The following KIF24 variants were observed in gnomAD, a reference collection of about 807,000 sequenced individuals.
KIF24 encodes the protein kinesin-like protein KIF24.
In KIF24, 81 loss-of-function variants were observed where a neutral mutation model predicts 118.9. The observed-to-expected ratio is 0.68, with a 90% CI of 0.57 to 0.82. The LOEUF (loss-of-function observed/expected upper bound fraction) is 0.82, where lower values mean the gene tolerates loss of function less well. Ranked by LOEUF, KIF24 falls within the 40% of genes least tolerant of loss-of-function variation. KIF24 has a pLI of 0.00. For synonymous variants in KIF24, 599 were observed against 610.0 expected, an observed-to-expected ratio of 0.98 and a Z score of 0.27; for missense variants, 1,560 against 1,661.6, an observed-to-expected ratio of 0.94 and a Z score of 1.06.
chr9:34,290,656 GT>G (rs1239764021), intron 4 of KIF24, among the ~76,000 whole-genome samples: 1 of 150,676 alleles, frequency 6.6e-6, no homozygotes, highest in Non-Finnish European at 1.5e-5. Context: ...CTGGAGTGCA[GT>G]GGTGTGATCT....
chr9:34,292,528 T>C (rs1326607461), intron 4 of KIF24, among the ~76,000 whole-genome samples: 1 of 152,204 alleles, frequency 6.6e-6, no homozygotes, highest in Non-Finnish European at 1.5e-5. Context: ...TGGGTCATCT[T>C]CTTTGATTTA....
At chr9:34,323,417 T>G (rs910813518) in intron 1 of KIF24, among the ~76,000 whole-genome samples, 7 of 152,222 alleles carry the variant, frequency 4.6e-5, no homozygotes, top group Non-Finnish European at 8.8e-5. Context: ...TTTTAGAACC[T>G]AGTTATCTTA....
rs1834893573 is a variant in KIF24, at chr9:34,257,373, G to A, written c.2234C>T (p.Pro745Leu). Residue 745 changes from proline to leucine, a missense_variant, in exon 11 of 13, where the codon CCT (proline) becomes CTT (leucine). Transcript: ENST00000402558. ...GATGTTTGTCCAAGCTTCAGAGGCA[G>A]GCCTAGCAGGCGTGCCCCTCTGGCT... ...QDSQRGTPAR[P>L]ASEAWTNIPP... The A allele has an allele frequency of 6.2e-7, 1 of 1,614,024 alleles. No individual in the cohort carries two copies. The highest frequency in any genetic ancestry group is 1.1e-5 in the South Asian group (1 of 91,084).
In KIF24 at chr9:34,286,746, A is replaced by T. The variant is rs764749451; in HGVS notation, c.1128-42T>A. The T allele has an allele frequency of 8.7e-6, 12 of 1,371,552 alleles. No homozygotes were observed. In the African/African-American group the frequency reaches 1.4e-4, roughly 16 times the overall value. 85.0% of individuals were successfully genotyped at this position (1,371,552 alleles called of 1,614,324 possible). A position where few individuals can be genotyped will look rare whatever the true frequency, so the allele number is the denominator to read the frequency against. On this transcript the variant is annotated intron_variant, in intron 5 of 12. Transcript: ENST00000402558. ...GTGGTTGGTATGATGGTGCTACTAAAACAGACTTTGTTCTTGCCTCCCCAG... is the reference window on the plus strand; with the variant it reads ...GTGGTTGGTATGATGGTGCTACTAATACAGACTTTGTTCTTGCCTCCCCAG...
chr9:34,272,957 C>A (rs1227411156), intron 6 of KIF24, among the ~76,000 whole-genome samples: 2 of 152,018 alleles, frequency 1.3e-5, no homozygotes, highest in Non-Finnish European at 2.9e-5. Context: ...TTGGGCCGGG[C>A]ATGGTGGCTC....
At chr9:34,313,054 G>A (rs1837220835) in intron 1 of KIF24, among the ~76,000 whole-genome samples, 1 of 152,160 alleles carries the variant, frequency 6.6e-6, no homozygotes, top group East Asian at 1.9e-4. Context: ...ATTTTTTGCA[G>A]GTCCTTCCAT....
At position 34,258,095 on chromosome 9, in the gene KIF24, A is replaced by G. The variant is rs563048817; in HGVS notation, c.1626-114T>C. ...AAAAGTATTACAAGGATTGGGAGTTATTTCTTTATCTGGGATAGAATAAGA... is the reference window on the plus strand; with the variant it reads ...AAAAGTATTACAAGGATTGGGAGTTGTTTCTTTATCTGGGATAGAATAAGA... On this transcript the variant is annotated intron_variant, in intron 10 of 12. Transcript: ENST00000402558. 2.4e-4 allele frequency: 191 copies of G among 795,494 alleles called. No homozygotes were observed. The African/African-American group carries it at 2.8e-3, about 12-fold the overall frequency. 49.3% of individuals were successfully genotyped at this position (795,494 alleles called of 1,614,324 possible).
In KIF24 at chr9:34,290,174, C is replaced by A; in HGVS notation, c.1127G>T (p.Arg376Met). The A allele has an allele frequency of 1.9e-6, 3 of 1,607,164 alleles. No individual in the cohort carries two copies. Among genetic ancestry groups the A allele is most frequent in the Non-Finnish European group, 2.6e-6 (3 of 1,174,226 alleles). ...QLYDLLNRRK[R>M]LFAREDSKHM... is the part of the protein sequence containing the mutation. ...ATCGCTTCCCACTCATATTCAGTACCTTTTTCTTCTATTTAGGAGGTCATA... is the reference window on the plus strand; with the variant it reads ...ATCGCTTCCCACTCATATTCAGTACATTTTTCTTCTATTTAGGAGGTCATA... The change falls in exon 5 of 13, where the codon AGG becomes ATG. Residue 376 changes from arginine to methionine, a missense_variant and splice_region_variant. By Grantham distance (91) the Arg-to-Met change is moderately conservative. Coordinates refer to ENST00000402558, the MANE Select transcript of KIF24 (RefSeq NM_194313.4).
chr9:34,289,071 G>A (rs1383894881), intron 5 of KIF24, among the ~76,000 whole-genome samples: 1 of 152,130 alleles, frequency 6.6e-6, no homozygotes, highest in Non-Finnish European at 1.5e-5. Flanking sequence ...CATCCCCAGA[G>A]TAGCACCCTC....
chr9:34,255,137 G>C lies in KIF24; in HGVS notation c.3901C>G (p.Gln1301Glu), dbSNP rs1834773016. 1 of 1,591,118 alleles carries C rather than the reference G, an allele frequency of 6.3e-7. No individual in the cohort carries two copies. Among genetic ancestry groups the C allele is most frequent in the Non-Finnish European group, 8.6e-7 (1 of 1,168,308 alleles). Residue 1301 changes from glutamine (Q) to glutamate (E), a missense_variant, in exon 12 of 13, where the codon CAG (glutamine) becomes GAG (glutamate). Gln to Glu is a conservative substitution (Grantham distance 29). Coordinates refer to ENST00000402558, the MANE Select transcript of KIF24 (RefSeq NM_194313.4). ...CCGAGCTCAGCCATTTCATCCAGCT[G>C]TTCCTGGTGTGCTCGGATGACCACC... The part of the protein sequence containing the change: ...QQVVIRAHQE[Q>E]LDEMAELGFK...
In KIF24 at chr9:34,256,674, G is replaced by A; in HGVS notation, c.2933C>T (p.Pro978Leu). 1 of 1,613,948 alleles carries A rather than the reference G, an allele frequency of 6.2e-7. No individual in the cohort carries two copies. Among genetic ancestry groups the A allele is most frequent in the Non-Finnish European group, 8.5e-7 (1 of 1,179,868 alleles). ...EVSGENEGNL[P>L]SPEEDGFTIS... is the part of the protein sequence containing the mutation. ...AGTGAAACCATCTTCCTCTGGGGAT[G>A]GCAAGTTGCCCTCATTCTCCCCAGA... Residue 978 changes from proline (P) to leucine (L), a missense_variant, in exon 11 of 13, where the codon CCA becomes CTA. Pro to Leu is a moderately conservative substitution (Grantham distance 98, BLOSUM62 -3). Around this residue, in one of 3 missense-constraint regions of KIF24, gnomAD observed 591 missense variants for 655.6 expected, o/e 0.90. Transcript: ENST00000402558.
intron 10 of KIF24, among the ~76,000 whole-genome samples, chr9:34,258,844 G>T (rs1834951840): frequency 6.6e-6 from 1 of 152,104 alleles, no homozygotes; most frequent in Non-Finnish European, 1.5e-5. Context: ...CTATTCCCAG[G>T]GTTTCTCAAC....
intron 2 of KIF24, 115 bp downstream of exon 2, chr9:34,310,609 G>T: frequency 3.0e-6 from 2 of 673,710 alleles, no homozygotes; most frequent in Admixed American, 3.4e-5. Flanking sequence ...GATAATTTCT[G>T]TTATATTCAT....
chr9:34,290,436 T>C (rs1338138259), intron 4 of KIF24, 47 bp from the exon 5 acceptor site: 1 of 1,208,354 alleles, frequency 8.3e-7, no homozygotes, highest in African/African-American at 1.5e-5. Context: ...AAGAGAAGTA[T>C]TAGTTTACCC....
chr9:34,252,733 A>G lies in KIF24; in HGVS notation c.*1647T>C, dbSNP rs1416026730. On this transcript the variant is annotated 3_prime_UTR_variant, in exon 13 of 13. Coordinates refer to ENST00000402558, the MANE Select transcript of KIF24 (RefSeq NM_194313.4). The stretch of plus-strand genomic sequence containing the variant: ...AGACTGAGTCTTTTAAACCTGGCCC[A>G]GCTCCGTCTGTGGACCAAGGACGTA... 1 of 152,156 alleles carries G rather than the reference A, an allele frequency of 6.6e-6. No individual in the cohort carries two copies. Among genetic ancestry groups the G allele is most frequent in the Non-Finnish European group, 1.5e-5 (1 of 68,040 alleles). The allele number at this position is 152,156 out of a possible 1,614,324, so 9.4% of individuals were successfully genotyped here.
chr9:34,318,950 G>C lies in KIF24; in HGVS notation c.-25-7579C>G. ...CGAGTGGGCCGTGCAGACCACCGACGGCAAGCTGCCCAAGGTCACCAAGGA... is the reference window on the plus strand; with the variant it reads ...CGAGTGGGCCGTGCAGACCACCGACCGCAAGCTGCCCAAGGTCACCAAGGA... On this transcript the variant is annotated intron_variant, in intron 1 of 12. Coordinates refer to ENST00000402558, the MANE Select transcript of KIF24 (RefSeq NM_194313.4). The surrounding 1 kb of genome is among the most constrained non-coding windows in gnomAD (Gnocchi z 4.9). 6 of 1,501,648 alleles carry C rather than the reference G, an allele frequency of 4.0e-6. No homozygotes were observed. Among genetic ancestry groups the C allele is most frequent in the Non-Finnish European group, 5.5e-6 (6 of 1,084,080 alleles). 93.0% of individuals were successfully genotyped at this position (1,501,648 alleles called of 1,614,324 possible).
chr9:34,256,587 G>C lies in KIF24; in HGVS notation c.3020C>G (p.Pro1007Arg). The change falls in exon 11 of 13, where the codon CCT becomes CGT. Residue 1007 changes from proline to arginine, a missense_variant. Physicochemically the swap from Pro to Arg is moderately radical, Grantham distance 103. This residue lies in a region of KIF24 where 591 missense variants were observed against 655.6 expected (regional missense o/e 0.90). Transcript: ENST00000402558. ...GCCGTCTGCACTGACTTCTCTCAGAGGTGTGGTGACTGTGTCTCTTTGGTC... is the reference window on the plus strand; with the variant it reads ...GCCGTCTGCACTGACTTCTCTCAGACGTGTGGTGACTGTGTCTCTTTGGTC... The part of the protein sequence containing the change: ...SPDQRDTVTT[P>R]LREVSADGPI... 6.2e-7 allele frequency: 1 copy of C among 1,614,010 alleles called. No individual in the cohort carries two copies. The highest frequency in any genetic ancestry group is 1.1e-5 in the South Asian group (1 of 91,082).
chr9:34,305,362 TTTCGCCAA>T (rs1836871645), intron 3 of KIF24, among the ~76,000 whole-genome samples: 1 of 152,160 alleles, frequency 6.6e-6, no homozygotes, highest in African/African-American at 2.4e-5. Flanking sequence ...AGAGCCCAAT[TTTCGCCAA>T]TTAAGTATAA....
At chr9:34,331,459 CT>C (rs1288158000), upstream of KIF24, among the ~76,000 whole-genome samples, 1 of 152,190 alleles carries the variant, frequency 6.6e-6, no homozygotes, top group African/African-American at 2.4e-5. Flanking sequence ...ATAGCTAGGC[CT>C]TTCTGACTGC....
Sources: allele counts gnomAD v4.1 joint callset (sites outside exome capture counted in the v4.1 genomes callset), GRCh38; gene constraint gnomAD v4.1.1; regional missense constraint gnomAD v4.1.1; non-coding constraint Gnocchi (gnomAD v3.1); transcripts MANE v1.5; gene names NCBI Gene and HGNC (gene_info 2026-07-23, HGNC 2026-07-21).